CSNK1G3: variants seen among roughly 807,000 people sequenced by gnomAD.
CSNK1G3 encodes casein kinase 1 gamma 3, also known as casein kinase I isoform gamma-3.
In CSNK1G3, 23 loss-of-function variants were observed where a neutral mutation model predicts 64.3. The observed-to-expected ratio is 0.36, with a 90% CI of 0.26 to 0.51. The LOEUF (loss-of-function observed/expected upper bound fraction) is 0.51. CSNK1G3 is among the 20% of genes least tolerant of loss of function. CSNK1G3 has a pLI of 0.96. For missense variants in CSNK1G3, 357 were observed against 510.5 expected, an observed-to-expected ratio of 0.70 and a Z score of 2.90; for synonymous variants, 158 against 162.2, an observed-to-expected ratio of 0.97 and a Z score of 0.20.
rs912679709 is a variant in CSNK1G3, at chr5:123,590,618, A to G, written c.990+60A>G. ...TATCTGTTGCCTTTTTAATAGTACA[A>G]TATCTTCAATTGAAAAGAGTTGAGA... On this transcript the variant is annotated intron_variant, in intron 9 of 12. Coordinates refer to ENST00000345990, the Ensembl canonical transcript of CSNK1G3. The G allele has an allele frequency of 2.5e-5, 25 of 997,206 alleles. No individual in the cohort carries two copies. In the Middle Eastern group the frequency reaches 1.2e-3, roughly 48 times the overall value. The allele number at this position is 997,206 out of a possible 1,614,324, so 61.8% of individuals were successfully genotyped here.
At chr5:123,542,389 A>G (rs951815712) in intron 1 of CSNK1G3, among the ~76,000 whole-genome samples, 4 of 152,118 alleles carry the variant, frequency 2.6e-5, no homozygotes, top group South Asian at 2.1e-4. Flanking sequence ...TTTAATAGTA[A>G]TTTATCTTTA....
At chr5:123,581,931 GCTGT>G (rs1024735589) in intron 6 of CSNK1G3, among the ~76,000 whole-genome samples, 68 of 151,898 alleles carry the variant, frequency 4.5e-4, no homozygotes, top group African/African-American at 1.6e-3. Context: ...TGTTGTTTGA[GCTGT>G]CTTGGCTTTG....
At chr5:123,565,986 G>A (rs1043733769) in intron 4 of CSNK1G3, among the ~76,000 whole-genome samples, 7 of 152,100 alleles carry the variant, frequency 4.6e-5, no homozygotes, top group African/African-American at 1.7e-4. Flanking sequence ...CTATATCACT[G>A]TTTTACATTT....
chr5:123,582,670 C>T (rs984051125), intron 6 of CSNK1G3, among the ~76,000 whole-genome samples: 1 of 152,046 alleles, frequency 6.6e-6, no homozygotes, highest in African/African-American at 2.4e-5. Flanking sequence ...GATTCTTGGC[C>T]TTGTGGAAAA....
intron 1 of CSNK1G3, among the ~76,000 whole-genome samples, chr5:123,543,143 G>C (rs1167411309): frequency 6.6e-6 from 1 of 152,036 alleles, no homozygotes; most frequent in East Asian, 1.9e-4. Flanking sequence ...GTGTTGTTGA[G>C]AGTCTGGCTT....
intron 1 of CSNK1G3, among the ~76,000 whole-genome samples, chr5:123,531,362 G>T (rs548268335): frequency 3.4e-4 from 52 of 152,144 alleles, no homozygotes; most frequent in African/African-American, 1.2e-3. Context: ...AAGGAGGTCA[G>T]TTGGCTTTGT....
chr5:123,584,840 G>A (rs1170269535), intron 6 of CSNK1G3, among the ~76,000 whole-genome samples: 1 of 152,100 alleles, frequency 6.6e-6, no homozygotes, highest in South Asian at 2.1e-4. Context: ...TTTCATGTAA[G>A]TTGTTTAATT....
chr5:123,558,080 A>C (rs974728604), intron 4 of CSNK1G3, among the ~76,000 whole-genome samples: 5 of 152,202 alleles, frequency 3.3e-5, no homozygotes, highest in Non-Finnish European at 7.3e-5. Flanking sequence ...AGCAGAGTGG[A>C]GAGAACCTGG....
At chr5:123,553,845 T>C (rs1489436686) in intron 3 of CSNK1G3, among the ~76,000 whole-genome samples, 2 of 152,246 alleles carry the variant, frequency 1.3e-5, no homozygotes, top group South Asian at 2.1e-4. Flanking sequence ...GTGGTGATCC[T>C]TAGGTCCTAT....
intron 12 of CSNK1G3, among the ~76,000 whole-genome samples, 169 bp downstream of exon 13, chr5:123,605,531 T>A (rs973646474): frequency 1.3e-5 from 2 of 152,074 alleles, no homozygotes; most frequent in Admixed American, 6.6e-5. Context: ...AAGCAAGAAA[T>A]AATTGTTTGA....
chr5:123,571,640 T>C (rs1788131887), intron 4 of CSNK1G3, among the ~76,000 whole-genome samples: 1 of 152,216 alleles, frequency 6.6e-6, no homozygotes, highest in Admixed American at 6.5e-5. Context: ...TTCAGTGTTT[T>C]CTATTCTGTC....
At chr5:123,609,118 G>A (rs76251187) in intron 12 of CSNK1G3, among the ~76,000 whole-genome samples, 2,980 of 152,222 alleles carry the variant, frequency 0.02, 101 homozygotes, top group African/African-American at 0.068. Context: ...ATATGAACAC[G>A]TTAATGAAAA....
intron 4 of CSNK1G3, among the ~76,000 whole-genome samples, chr5:123,560,092 T>C (rs564454684): frequency 2.0e-5 from 3 of 152,124 alleles, no homozygotes; most frequent in South Asian, 4.2e-4. Context: ...TCCAAAGATA[T>C]ACAAATGGCT....
intron 2 of CSNK1G3, among the ~76,000 whole-genome samples, chr5:123,551,608 T>C (rs920269387): frequency 6.6e-6 from 1 of 152,194 alleles, no homozygotes; most frequent in African/African-American, 2.4e-5. Context: ...TAAACACTAC[T>C]GTACAAAGGT....
chr5:123,528,192 T>A (rs1779383897), intron 1 of CSNK1G3, among the ~76,000 whole-genome samples: 1 of 152,198 alleles, frequency 6.6e-6, no homozygotes, highest in African/African-American at 2.4e-5. Flanking sequence ...TTTCTTTTTC[T>A]TCTGGCTCAT....
chr5:123,586,528 A>T (rs1166111092), intron 6 of CSNK1G3, among the ~76,000 whole-genome samples: 1 of 152,172 alleles, frequency 6.6e-6, no homozygotes, highest in East Asian at 1.9e-4. Flanking sequence ...AATAGCATAT[A>T]CTTACATTTT....
chr5:123,526,123 A>G (rs963340559), intron 1 of CSNK1G3, among the ~76,000 whole-genome samples: 5 of 151,974 alleles, frequency 3.3e-5, no homozygotes, highest in Non-Finnish European at 7.4e-5. Flanking sequence ...CTGCAGCCTC[A>G]AACTGCTGGG....
intron 5 of CSNK1G3, among the ~76,000 whole-genome samples, chr5:123,575,485 T>G (rs1002844830): frequency 6.6e-5 from 10 of 152,204 alleles, no homozygotes; most frequent in African/African-American, 2.4e-4. Context: ...CTTGCTGATA[T>G]GAAAGGAATT....
chr5:123,517,194 G>A (rs2149909179), intron 1 of CSNK1G3, among the ~76,000 whole-genome samples: 2 of 152,274 alleles, frequency 1.3e-5, no homozygotes, highest in Middle Eastern at 3.4e-3. Flanking sequence ...CCACTCGTGA[G>A]ATTAAATGAT....
Sources: allele counts gnomAD v4.1 joint callset (sites outside exome capture counted in the v4.1 genomes callset), GRCh38; gene constraint gnomAD v4.1.1; transcripts MANE v1.5; gene names NCBI Gene and HGNC (gene_info 2026-07-23, HGNC 2026-07-21).